Variants in KCNIP4 observed in about 807,000 individuals in gnomAD.
KCNIP4 encodes Kv channel-interacting protein 4.
KCNIP4 carries 12 observed loss-of-function variants against 34.0 expected under a neutral mutation model. The ratio of observed to expected loss-of-function variants is 0.35; its 90% CI spans 0.23 to 0.57. The LOEUF (loss-of-function observed/expected upper bound fraction) is 0.57. Among genes scored for constraint, KCNIP4 ranks in the 20% least tolerant of loss-of-function variants. The pLI is 0.83. For synonymous variants in KCNIP4, 124 were observed against 102.2 expected (o/e 1.21, Z -1.29); for missense variants, 238 against 311.7 (o/e 0.76, Z 1.78).
chr4:21,222,764 T>G (rs1758071936), intron 1 of KCNIP4, among the ~76,000 whole-genome samples: 2 of 152,224 alleles, frequency 1.3e-5, no homozygotes, highest in Admixed American at 6.5e-5. Context: ...TTTGTAGAAC[T>G]TAACACAATT....
chr4:21,760,887 G>C (rs1181974828), intron 1 of KCNIP4, among the ~76,000 whole-genome samples: 1 of 152,042 alleles, frequency 6.6e-6, no homozygotes, highest in Non-Finnish European at 1.5e-5. Flanking sequence ...ATCTTAATAA[G>C]CTAAGTGTAT....
At chr4:21,375,418 A>G (rs1296489569) in intron 1 of KCNIP4, among the ~76,000 whole-genome samples, 1 of 152,120 alleles carries the variant, frequency 6.6e-6, no homozygotes, top group Non-Finnish European at 1.5e-5. Flanking sequence ...TTCATCTGTA[A>G]ACTGAGGGGC....
chr4:21,191,986 C>T (rs1317923856), intron 1 of KCNIP4, among the ~76,000 whole-genome samples: 2 of 152,104 alleles, frequency 1.3e-5, no homozygotes, highest in African/African-American at 4.8e-5. Context: ...CATAGCTCTC[C>T]CTAATATTAA....
At chr4:20,916,484 A>G (rs1185307856) in intron 1 of KCNIP4, 1 of 310,912 alleles carries the variant, frequency 3.2e-6, no homozygotes, top group African/African-American at 2.3e-5. Flanking sequence ...TATGAAGTAG[A>G]GGAGTGAAAC....
intron 1 of KCNIP4, among the ~76,000 whole-genome samples, chr4:21,124,573 C>A (rs887096816): frequency 9.9e-5 from 15 of 152,066 alleles, no homozygotes; most frequent in African/African-American, 3.6e-4. Context: ...ATGGAATGGA[C>A]TTAGTTTTCT....
chr4:21,234,084 CGTATATT>C lies in KCNIP4; in HGVS notation c.62-351382_62-351376del, dbSNP rs796914331. On this transcript the variant is annotated intron_variant, in intron 1 of 8. Transcript: ENST00000382152. Reference sequence around the variant, plus strand: ...ATATATAACATAACATAACATATAACGTATATTATATATAACATATATAACGTATATT... The same window carrying C: ...ATATATAACATAACATAACATATAACATATATAACATATATAACGTATATT... Among the ~76,000 whole-genome samples, 16 of 82,670 alleles carry C rather than the reference CGTATATT, an allele frequency of 1.9e-4. 1 individual carries two copies. Among genetic ancestry groups the C allele is most frequent in the Admixed American group, 4.5e-4 (3 of 6,712 alleles). 54.2% of individuals were successfully genotyped at this position (82,670 alleles called of 152,430 possible).
intron 1 of KCNIP4, among the ~76,000 whole-genome samples, chr4:21,792,776 A>G (rs1484065279): frequency 6.6e-6 from 1 of 152,240 alleles, no homozygotes; most frequent in South Asian, 2.1e-4. Context: ...ATGGAGGAGA[A>G]TCTCTGATTG....
chr4:21,887,205 G>C (rs1279335109), intron 1 of KCNIP4, among the ~76,000 whole-genome samples: 2 of 152,112 alleles, frequency 1.3e-5, no homozygotes, highest in African/African-American at 4.8e-5. Flanking sequence ...CACAGATGAG[G>C]TGGCTTAATC....
intron 1 of KCNIP4, among the ~76,000 whole-genome samples, chr4:21,487,281 A>G (rs977865517): frequency 1.3e-5 from 2 of 152,112 alleles, no homozygotes; most frequent in Non-Finnish European, 2.9e-5. Context: ...AAGGTCAGGC[A>G]TCTTGTATAA....
In KCNIP4 at chr4:21,151,405, A is replaced by ATTTTTTTTTTTTTTTTTTT. The variant is rs1491541435; in HGVS notation, c.62-268697_62-268696insAAAAAAAAAAAAAAAAAAA. On this transcript the variant is annotated intron_variant, in intron 1 of 8. Transcript: ENST00000382152. Reference sequence around the variant, plus strand: ...AGAATGGATGTCTTCAACAAAAGACAATTTTTTTTTTTTTTTTTTTTTTTT... The same window carrying ATTTTTTTTTTTTTTTTTTT: ...AGAATGGATGTCTTCAACAAAAGACATTTTTTTTTTTTTTTTTTTATTTTTTTTTTTTTTTTTTTTTTTT... 1.9e-4 allele frequency among the ~76,000 whole-genome samples: 18 copies of ATTTTTTTTTTTTTTTTTTT among 93,512 alleles called. 7 individuals carry two copies. The highest frequency in any genetic ancestry group is 4.0e-4 in the African/African-American group (10 of 24,702). 61.3% of individuals were successfully genotyped at this position (93,512 alleles called of 152,430 possible).
intron 1 of KCNIP4, among the ~76,000 whole-genome samples, chr4:20,907,632 G>C (rs1421299715): frequency 6.6e-6 from 1 of 152,186 alleles, no homozygotes; most frequent in Non-Finnish European, 1.5e-5. Flanking sequence ...GAACTTAGGA[G>C]AGATTGGTAG....
chr4:21,905,956 T>G (rs931229137), intron 1 of KCNIP4, among the ~76,000 whole-genome samples: 1 of 152,160 alleles, frequency 6.6e-6, no homozygotes, highest in Non-Finnish European at 1.5e-5. Flanking sequence ...CACGTAACAC[T>G]TGTTTGCATA....
At chr4:21,147,475 A>C (rs1752442384) in intron 1 of KCNIP4, among the ~76,000 whole-genome samples, 1 of 152,150 alleles carries the variant, frequency 6.6e-6, no homozygotes, top group Admixed American at 6.5e-5. Flanking sequence ...TTGACTAGTA[A>C]GTGTATTGCT....
At chr4:21,110,877 C>T (rs996960142) in intron 1 of KCNIP4, among the ~76,000 whole-genome samples, 11 of 152,142 alleles carry the variant, frequency 7.2e-5, no homozygotes, top group African/African-American at 2.7e-4. Flanking sequence ...GTGAGAAATA[C>T]ATTTCTGTTG....
intron 1 of KCNIP4, among the ~76,000 whole-genome samples, chr4:21,472,192 G>A (rs1008472582): frequency 1.3e-5 from 2 of 152,122 alleles, no homozygotes. Context: ...ACAAATTCTT[G>A]TTAATGGAAT....
At chr4:21,071,867 C>G (rs1481524992) in intron 1 of KCNIP4, among the ~76,000 whole-genome samples, 1 of 152,092 alleles carries the variant, frequency 6.6e-6, no homozygotes, top group Non-Finnish European at 1.5e-5. Context: ...TGTTCAATTC[C>G]CATCTATGAG....
chr4:21,608,464 C>T (rs1175367650), intron 1 of KCNIP4, among the ~76,000 whole-genome samples: 1 of 152,150 alleles, frequency 6.6e-6, no homozygotes, highest in African/African-American at 2.4e-5. Context: ...CATTCCTTGG[C>T]TTGTGTCTCC....
intron 1 of KCNIP4, among the ~76,000 whole-genome samples, chr4:21,059,037 G>A (rs2108966521): frequency 6.6e-6 from 1 of 152,256 alleles, no homozygotes; most frequent in Non-Finnish European, 1.5e-5. Context: ...TGTCTTGCCT[G>A]CTGCCATGTA....
intron 1 of KCNIP4, among the ~76,000 whole-genome samples, chr4:21,084,658 A>T (rs1746265909): frequency 6.7e-6 from 1 of 150,324 alleles, no homozygotes; most frequent in Non-Finnish European, 1.5e-5. Flanking sequence ...ACAGCACCTT[A>T]TTCATGCATT....
Sources: gnomAD v4.1 joint callset for allele counts (sites outside exome capture counted in the v4.1 genomes callset) on GRCh38, gnomAD v4.1.1 for gene constraint, MANE v1.5 for transcripts, NCBI Gene and HGNC (gene_info 2026-07-23, HGNC 2026-07-21) for gene names.